Variants in SLC26A7 observed in about 807,000 individuals in gnomAD.
The protein encoded by SLC26A7 is solute carrier family 26 member 7.
In SLC26A7, 59 loss-of-function variants were observed where a neutral mutation model predicts 82.5. That is an observed-to-expected ratio of 0.72 (90% CI 0.58 to 0.89). The LOEUF (loss-of-function observed/expected upper bound fraction) is 0.89. SLC26A7 is among the 40% of genes least tolerant of loss of function. SLC26A7 has a pLI of 0.00. For synonymous variants in SLC26A7, 271 were observed against 274.3 expected, an observed-to-expected ratio of 0.99 and a Z score of 0.12; for missense variants, 820 against 793.0, an observed-to-expected ratio of 1.03 and a Z score of -0.41.
rs1308035390 is a variant in SLC26A7, at chr8:91,325,458, G to T, written c.642+7078G>T. ...GGGTGAAGGCACTGTATAGATACAG[G>T]TAGGCTTTCACCAAATATGCTTATG... On this transcript the variant is annotated intron_variant, in intron 5 of 18. Coordinates refer to ENST00000276609, the MANE Select transcript of SLC26A7 (RefSeq NM_052832.4). 2.0e-5 allele frequency among the ~76,000 whole-genome samples: 3 copies of T among 152,112 alleles called. No homozygotes were observed. In the East Asian group the frequency reaches 5.8e-4, roughly 29 times the overall value.
intron 4 of SLC26A7, among the ~76,000 whole-genome samples, chr8:91,312,732 A>T (rs565969966): frequency 6.6e-6 from 1 of 151,342 alleles, no homozygotes; most frequent in East Asian, 1.9e-4. Flanking sequence ...TTTGATTTGC[A>T]TTTTCTTAAT....
At chr8:91,364,054 C>T (rs953670126) in intron 13 of SLC26A7, among the ~76,000 whole-genome samples, 8 of 151,276 alleles carry the variant, frequency 5.3e-5, no homozygotes, top group African/African-American at 1.7e-4. Flanking sequence ...CAGTGGGTAC[C>T]TTTTTAAGGA....
At chr8:91,265,443 AT>A (rs1811085080) in intron 2 of SLC26A7, among the ~76,000 whole-genome samples, 1 of 151,860 alleles carries the variant, frequency 6.6e-6, no homozygotes, top group African/African-American at 2.4e-5. Flanking sequence ...TCTATTTTTA[AT>A]TTTCTGAGGA....
chr8:91,307,241 C>T (rs1350185031), intron 4 of SLC26A7, among the ~76,000 whole-genome samples: 14 of 91,706 alleles, frequency 1.5e-4, no homozygotes, highest in Admixed American at 6.4e-4. Flanking sequence ...GTCAGTGTGG[C>T]GATTCCTCAG....
chr8:91,303,650 T>C (rs931176466), intron 4 of SLC26A7, among the ~76,000 whole-genome samples: 6 of 152,216 alleles, frequency 3.9e-5, no homozygotes, highest in Non-Finnish European at 7.4e-5. Context: ...TGGAGACACA[T>C]GGTCTTATGT....
At chr8:91,282,709 G>A (rs1426691191) in intron 2 of SLC26A7, among the ~76,000 whole-genome samples, 2 of 152,100 alleles carry the variant, frequency 1.3e-5, no homozygotes, top group Admixed American at 1.3e-4. Flanking sequence ...CTGAATCTCA[G>A]GTAAGTTCTT....
intron 4 of SLC26A7, among the ~76,000 whole-genome samples, chr8:91,311,747 AG>A (rs1464466412): frequency 6.6e-6 from 1 of 152,180 alleles, no homozygotes; most frequent in Non-Finnish European, 1.5e-5. Flanking sequence ...CAATATTTAA[AG>A]GGGAAAAGCA....
intron 9 of SLC26A7, among the ~76,000 whole-genome samples, chr8:91,351,198 C>T (rs1233503165): frequency 1.3e-5 from 2 of 152,082 alleles, no homozygotes; most frequent in Non-Finnish European, 2.9e-5. Flanking sequence ...GTGAATTGAA[C>T]TGCCTTTTGT....
chr8:91,381,046 A>G (rs970458292), intron 15 of SLC26A7, among the ~76,000 whole-genome samples: 8 of 152,208 alleles, frequency 5.3e-5, no homozygotes, highest in Non-Finnish European at 1.2e-4. Flanking sequence ...ATGAAAACAT[A>G]TAGTAAGGTT....
intron 11 of SLC26A7, among the ~76,000 whole-genome samples, chr8:91,355,028 A>G (rs1489603973): frequency 6.6e-6 from 1 of 152,062 alleles, no homozygotes; most frequent in Non-Finnish European, 1.5e-5. Flanking sequence ...TGGTGACAAT[A>G]TCTGCTTGTT....
chr8:91,264,481 A>T (rs551603414), intron 2 of SLC26A7, among the ~76,000 whole-genome samples: 11 of 151,910 alleles, frequency 7.2e-5, no homozygotes, highest in Non-Finnish European at 1.5e-4. Flanking sequence ...AAAAGAATAA[A>T]CCTGGAAAAC....
At chr8:91,270,032 A>T (rs979893387) in intron 2 of SLC26A7, among the ~76,000 whole-genome samples, 1 of 152,104 alleles carries the variant, frequency 6.6e-6, no homozygotes, top group Non-Finnish European at 1.5e-5. Context: ...CTAAAATCTT[A>T]AAAAAGTATT....
intron 2 of SLC26A7, among the ~76,000 whole-genome samples, chr8:91,243,507 G>A (rs1291091451): frequency 1.3e-5 from 2 of 152,192 alleles, no homozygotes; most frequent in East Asian, 3.8e-4. Flanking sequence ...AAGAGAAGGA[G>A]CTGAGTCTGG....
At position 91,372,949 on chromosome 8, in the gene SLC26A7, G is replaced by A. The variant is rs147703507; in HGVS notation, c.1675+3116G>A. On this transcript the variant is annotated intron_variant, in intron 15 of 18. Coordinates refer to ENST00000276609, the MANE Select transcript of SLC26A7 (RefSeq NM_052832.4). ...TTGTAGAGGCCTTTCACGTCCTTGT[G>A]TAAATGTGTTCCTAGGTATTTTATT... Among the ~76,000 whole-genome samples the A allele has an allele frequency of 1.7e-3, 263 of 151,798 alleles. 3 individuals are homozygous for A. The highest frequency in any genetic ancestry group is 5.9e-3 in the African/African-American group (246 of 41,512).
rs75531564 is a variant in SLC26A7, at chr8:91,233,695, G to A, written c.-34+14690G>A. 1.0e-2 allele frequency among the ~76,000 whole-genome samples: 1,519 copies of A among 152,274 alleles called. 33 individuals are homozygous for A. Among genetic ancestry groups the A allele is most frequent in the African/African-American group, 0.035 (1,449 of 41,536 alleles). ...AAAGCTGAAAAGGTAAAGGCCCCAA[G>A]CAACTTGTCCCAAACTACACTAAAA... On this transcript the variant is annotated intron_variant, in intron 2 of 5. Transcript: ENST00000522862.
At chr8:91,247,909 A>G (rs1183255524), upstream of SLC26A7, among the ~76,000 whole-genome samples, 2 of 152,316 alleles carry the variant, frequency 1.3e-5, no homozygotes, top group Non-Finnish European at 2.9e-5. Context: ...TATTTTTATT[A>G]TAAAGGTAAT....
intron 8 of SLC26A7, among the ~76,000 whole-genome samples, chr8:91,341,971 C>T (rs535448342): frequency 3.2e-4 from 49 of 152,060 alleles, no homozygotes; most frequent in Non-Finnish European, 4.6e-4. Flanking sequence ...CTCTGTTGGC[C>T]AGGCTGGAGT....
intron 7 of SLC26A7, among the ~76,000 whole-genome samples, chr8:91,339,137 T>G (rs1813327799): frequency 6.6e-6 from 1 of 152,322 alleles, no homozygotes; most frequent in East Asian, 1.9e-4. Flanking sequence ...ATTCCTTTTA[T>G]GCCAATTTGT....
chr8:91,308,246 G>A (rs1326819042), intron 4 of SLC26A7, among the ~76,000 whole-genome samples: 2 of 145,652 alleles, frequency 1.4e-5, no homozygotes, highest in Non-Finnish European at 3.0e-5. Flanking sequence ...AGGAGGAAGA[G>A]GTGTGTGTGT....
Sources: allele counts gnomAD v4.1 joint callset (sites outside exome capture counted in the v4.1 genomes callset), GRCh38; gene constraint gnomAD v4.1.1; transcripts MANE v1.5; gene names NCBI Gene and HGNC (gene_info 2026-07-23, HGNC 2026-07-21).